Variants in CABP1 observed in about 807,000 individuals in gnomAD.
The protein encoded by CABP1 is calcium-binding protein 1.
In CABP1, 17 loss-of-function variants were observed where a neutral mutation model predicts 34.3. The observed-to-expected ratio is 0.50, with a 90% CI of 0.34 to 0.74. The LOEUF (loss-of-function observed/expected upper bound fraction) is 0.74, where lower values mean the gene tolerates loss of function less well. CABP1 is among the 30% of genes least tolerant of loss of function. The pLI is 0.01. For synonymous variants in CABP1, 198 were observed against 229.2 expected, an observed-to-expected ratio of 0.86 and a Z score of 1.23; for missense variants, 373 against 511.1, an observed-to-expected ratio of 0.73 and a Z score of 2.61.
intron 1 of CABP1, among the ~76,000 whole-genome samples, chr12:120,647,805 C>CT (rs1162134745): frequency 6.7e-6 from 1 of 149,740 alleles, no homozygotes; most frequent in Non-Finnish European, 1.5e-5. Context: ...TGGCCTCGAA[C>CT]TCCTGACCTC....
chr12:120,647,446 C>T (rs560863781), intron 1 of CABP1, among the ~76,000 whole-genome samples: 2 of 151,072 alleles, frequency 1.3e-5, no homozygotes, highest in Admixed American at 6.6e-5. Flanking sequence ...TGGTCTCGAA[C>T]TCCTGGGCTC....
Position 120,641,666 on chromosome 12 carries a change from T to A in CABP1, c.654+327T>A, listed in dbSNP as rs1323138613. 4.2e-6 allele frequency: 1 copy of A among 240,804 alleles called. No homozygotes were observed. The highest frequency in any genetic ancestry group is 7.6e-5 in the East Asian group (1 of 13,178). 14.9% of individuals were successfully genotyped at this position (240,804 alleles called of 1,614,324 possible). On this transcript the variant is annotated intron_variant, in intron 1 of 5. Transcript: ENST00000316803. This position sits in a 1 kb window ranked among gnomAD's most constrained non-coding sequence, Gnocchi z 6.7. ...ATTTGCGGGGGTCAAGGAGGGGCGCTCCGAGCAGGTGGCGCCAAACCCACT... is the reference window on the plus strand; with the variant it reads ...ATTTGCGGGGGTCAAGGAGGGGCGCACCGAGCAGGTGGCGCCAAACCCACT...
chr12:120,657,215 A>C (rs1165595601), intron 1 of CABP1, among the ~76,000 whole-genome samples: 1 of 152,260 alleles, frequency 6.6e-6, no homozygotes. Context: ...ACATGTGGCT[A>C]GCGGCTAGTG....
In CABP1 at chr12:120,641,117, GC is replaced by G. The variant is rs1301076914; in HGVS notation, c.436del (p.Arg146GlyfsTer130). 2 of 1,225,080 alleles carry G rather than the reference GC, an allele frequency of 1.6e-6. No homozygotes were observed. Among genetic ancestry groups the G allele is most frequent in the Non-Finnish European group, 2.0e-6 (2 of 985,174 alleles). The allele number at this position is 1,225,080 out of a possible 1,614,324, so 75.9% of individuals were successfully genotyped here. A position where few individuals can be genotyped will look rare whatever the true frequency, so the allele number is the denominator to read the frequency against. On this transcript the variant is annotated frameshift_variant, in exon 1 of 6. Transcript: ENST00000316803. LOFTEE classifies it high-confidence loss of function. This position sits in a 1 kb window ranked among gnomAD's most constrained non-coding sequence, Gnocchi z 6.7. Reference sequence around the variant, plus strand: ...GTGTGCTCCCCCAGGCGCACTGCAGGCCCCGGGAGGCGCTGCCGGCCGCGGC... The same window carrying G: ...GTGTGCTCCCCCAGGCGCACTGCAGGCCCGGGAGGCGCTGCCGGCCGCGGC... ...QRVLPQAHCR[P>X]REALPAAASR...
the CABP1 span, among the ~76,000 whole-genome samples, chr12:120,674,575 A>G: frequency 6.6e-6 from 1 of 152,046 alleles, no homozygotes; most frequent in Admixed American, 6.6e-5. Flanking sequence ...TGATTGAGGG[A>G]TGAGCTCTGG....
In CABP1 at chr12:120,665,295, G is replaced by T. The variant is rs140071548; in HGVS notation, c.1088-1580G>T. Among the ~76,000 whole-genome samples, 1,036 of 152,086 alleles carry T rather than the reference G, an allele frequency of 6.8e-3. 7 individuals are homozygous for T. Among genetic ancestry groups the T allele is most frequent in the Middle Eastern group, 0.02 (6 of 294 alleles). ...AAAAAAATTAGCCAGGCTTGGTGGCGCATGCCTGTAGTCCCAGCTACCTGG... is the reference window on the plus strand; with the variant it reads ...AAAAAAATTAGCCAGGCTTGGTGGCTCATGCCTGTAGTCCCAGCTACCTGG... On this transcript the variant is annotated intron_variant, in intron 5 of 5. Transcript: ENST00000316803.
chr12:120,665,283 A>G (rs533352043), intron 5 of CABP1, among the ~76,000 whole-genome samples: 1 of 151,956 alleles, frequency 6.6e-6, no homozygotes, highest in Admixed American at 6.5e-5. Flanking sequence ...AAAATTAGCC[A>G]GGCTTGGTGG....
chr12:120,660,287 C>T lies in CABP1; in HGVS notation c.777C>T (p.Tyr259=). ...DLGNCMRTMG[Y]MPTEMELIEL... ...GCAACTGCATGCGCACCATGGGCTACATGCCCACCGAGATGGAGCTCATCG... is the reference window on the plus strand; with the variant it reads ...GCAACTGCATGCGCACCATGGGCTATATGCCCACCGAGATGGAGCTCATCG... The change falls in exon 3 of 6, where the codon TAC becomes TAT. Residue 259 remains tyrosine (Y), a synonymous_variant. Transcript: ENST00000316803. The surrounding 1 kb of genome is among the most constrained non-coding windows in gnomAD (Gnocchi z 5.0). 1 of 1,606,904 alleles carries T rather than the reference C, an allele frequency of 6.2e-7. No homozygotes were observed. The highest frequency in any genetic ancestry group is 8.5e-7 in the Non-Finnish European group (1 of 1,176,542).
At chr12:120,655,725 A>G (rs1446774447) in intron 1 of CABP1, 11 of 1,449,558 alleles carry the variant, frequency 7.6e-6, no homozygotes, top group Non-Finnish European at 1.0e-5. Flanking sequence ...TTAGGCTCTG[A>G]GTGAACACTT....
chr12:120,641,283 G>A lies in CABP1; in HGVS notation c.598G>A (p.Glu200Lys), dbSNP rs1879308877. 33 of 1,315,906 alleles carry A rather than the reference G, an allele frequency of 2.5e-5. No homozygotes were observed. Among genetic ancestry groups the A allele is most frequent in the Non-Finnish European group, 3.2e-5 (33 of 1,034,320 alleles). The allele number at this position is 1,315,906 out of a possible 1,614,324, so 81.5% of individuals were successfully genotyped here. The change falls in exon 1 of 6, where the codon GAG becomes AAG. Residue 200 changes from glutamate (E) to lysine (K), a missense_variant. By Grantham distance (56) the Glu-to-Lys change is moderately conservative. Around this residue, in one of 4 missense-constraint regions of CABP1, gnomAD observed 121 missense variants for 125.5 expected, o/e 0.96. Coordinates refer to ENST00000316803, the MANE Select transcript of CABP1 (RefSeq NM_001033677.2). The surrounding 1 kb of genome is among the most constrained non-coding windows in gnomAD (Gnocchi z 6.7). ...GGACTCCGTTCCAGCCGCCGCGTCC[G>A]AGGCGGACCCGTTCCTCCACCGGCT... is the stretch of plus-strand genomic sequence containing the variant. The part of the protein sequence containing the change: ...RGDSVPAAAS[E>K]ADPFLHRLRP...
At chr12:120,653,567 G>A (rs1225380129) in intron 1 of CABP1, among the ~76,000 whole-genome samples, 7 of 152,056 alleles carry the variant, frequency 4.6e-5, no homozygotes, top group African/African-American at 1.4e-4. Context: ...ATGGAGTCTC[G>A]CTCTGTTACC....
intron 1 of CABP1, among the ~76,000 whole-genome samples, chr12:120,658,196 T>G (rs1257358402): frequency 6.7e-6 from 1 of 149,176 alleles, no homozygotes; most frequent in Non-Finnish European, 1.5e-5. Context: ...CAGGCTCAAG[T>G]GATTCTCCTG....
At chr12:120,663,911 C>T (rs1880804882) in intron 5 of CABP1, among the ~76,000 whole-genome samples, 1 of 152,220 alleles carries the variant, frequency 6.6e-6, no homozygotes, top group African/African-American at 2.4e-5. Context: ...CTCTGCACAC[C>T]AGGAACTTGC....
Position 120,640,644 on chromosome 12 carries a change from GC to G in CABP1, c.-40del, listed in dbSNP as rs1288909304. On this transcript the variant is annotated 5_prime_UTR_variant, in exon 1 of 6. Coordinates refer to ENST00000316803, the MANE Select transcript of CABP1 (RefSeq NM_001033677.2). The surrounding 1 kb of genome is among the most constrained non-coding windows in gnomAD (Gnocchi z 6.2). ...CGCCCCCAGATCTGCACCGCCAGCC[GC>G]CGGGAGCTCCGGGCTCCGGGCGTAG... The G allele has an allele frequency of 1.7e-6, 2 of 1,145,796 alleles. No individual in the cohort carries two copies. The highest frequency in any genetic ancestry group is 2.1e-6 in the Non-Finnish European group (2 of 932,996). 71.0% of individuals were successfully genotyped at this position (1,145,796 alleles called of 1,614,324 possible).
At chr12:120,672,430 C>T in the CABP1 span, among the ~76,000 whole-genome samples, 342 of 151,792 alleles carry the variant, frequency 2.3e-3, 2 homozygotes, top group African/African-American at 6.8e-3. Context: ...GTCGGGAGTT[C>T]GGGACCAGCC....
At chr12:120,673,875 C>T in the CABP1 span, among the ~76,000 whole-genome samples, 1 of 152,168 alleles carries the variant, frequency 6.6e-6, no homozygotes, top group Non-Finnish European at 1.5e-5. Flanking sequence ...GCCTGGCACG[C>T]AGTAAGCATC....
At chr12:120,680,386 A>T in the CABP1 span, among the ~76,000 whole-genome samples, 2 of 152,038 alleles carry the variant, frequency 1.3e-5, no homozygotes, top group African/African-American at 4.8e-5. Flanking sequence ...GCTCTGTCTG[A>T]CCCCCAAATC....
At chr12:120,676,139 C>T in the CABP1 span, among the ~76,000 whole-genome samples, 1 of 152,050 alleles carries the variant, frequency 6.6e-6, no homozygotes, top group Non-Finnish European at 1.5e-5. Context: ...CTCTGCTGTC[C>T]AATATGGTAG....
intron 5 of CABP1, among the ~76,000 whole-genome samples, chr12:120,665,870 A>T (rs1880941543): frequency 6.6e-6 from 1 of 151,560 alleles, no homozygotes; most frequent in Non-Finnish European, 1.5e-5. Flanking sequence ...AATACAAAAA[A>T]TTAGCTGGAC....
Sources: gnomAD v4.1 joint callset for allele counts (sites outside exome capture counted in the v4.1 genomes callset) on GRCh38, gnomAD v4.1.1 for gene constraint, gnomAD v4.1.1 regional missense constraint, Gnocchi (gnomAD v3.1) non-coding constraint, MANE v1.5 for transcripts, NCBI Gene and HGNC (gene_info 2026-07-23, HGNC 2026-07-21) for gene names.